The following METTL23 variants were observed in gnomAD, a reference collection of about 807,000 sequenced individuals.
The protein encoded by METTL23 is histone-arginine methyltransferase METTL23.
METTL23 carries 24 observed loss-of-function variants against 21.2 expected under a neutral mutation model. The observed-to-expected ratio is 1.13, with a 90% CI of 0.82 to 1.59. METTL23 has a LOEUF of 1.59. Among genes scored for constraint, METTL23 ranks in the 40% most tolerant of loss-of-function variants. METTL23 has a pLI of 0.00. For missense variants in METTL23, 276 were observed against 221.4 expected, an observed-to-expected ratio of 1.25 and a Z score of -1.57; for synonymous variants, 97 against 75.2, an observed-to-expected ratio of 1.29 and a Z score of -1.50.
chr17:76,728,669 C>T (rs2077070120), intron 1 of METTL23, among the ~76,000 whole-genome samples: 1 of 152,078 alleles, frequency 6.6e-6, no homozygotes, highest in South Asian at 2.1e-4. Context: ...CCTCGGCCTA[C>T]CAAAGTGCTG....
At chr17:76,732,794 C>G (rs2077278442) in intron 2 of METTL23, 184 bp from the exon 3 acceptor site, 5 of 611,496 alleles carry the variant, frequency 8.2e-6, no homozygotes, top group East Asian at 2.8e-5. Flanking sequence ...AGAGTAGATT[C>G]ATAAGGAATG....
chr17:76,732,684 A>G (rs186704375), intron 2 of METTL23: 2 of 420,704 alleles, frequency 4.8e-6, no homozygotes, highest in Non-Finnish European at 8.7e-6. Flanking sequence ...AGAGGAATCA[A>G]GTGCCCCAAA....
chr17:76,726,723 C>T (rs1044872684), upstream of METTL23: 14 of 532,792 alleles, frequency 2.6e-5, no homozygotes, highest in Admixed American at 3.8e-4. Flanking sequence ...CTTTGGCTCC[C>T]CTGGGGTACT....
chr17:76,732,429 C>T (rs970875439), intron 2 of METTL23, among the ~76,000 whole-genome samples: 111 of 151,726 alleles, frequency 7.3e-4, no homozygotes, highest in African/African-American at 2.6e-3. Flanking sequence ...ACCCGGGAGG[C>T]GGGGGTTGCA....
upstream of METTL23, among the ~76,000 whole-genome samples, chr17:76,726,172 G>A (rs569221908): frequency 9.2e-5 from 14 of 152,368 alleles, no homozygotes; most frequent in South Asian, 2.7e-3. Flanking sequence ...AGCACGGGAG[G>A]AAGCAGACCC....
chr17:76,726,223 G>T, upstream of METTL23: 1 of 1,295,470 alleles, frequency 7.7e-7, no homozygotes, highest in Non-Finnish European at 1.0e-6. Context: ...ACTCCGCGGG[G>T]TGCGGGTGAG....
upstream of METTL23, chr17:76,726,526 C>T: frequency 6.4e-7 from 1 of 1,554,446 alleles, no homozygotes. Flanking sequence ...AGCCCGCTTC[C>T]TGACACTAAC....
chr17:76,726,540 C>T, upstream of METTL23: 1 of 1,525,444 alleles, frequency 6.6e-7, no homozygotes, highest in South Asian at 1.2e-5. Context: ...CACTAACGCA[C>T]CCCTCCCCGG....
At chr17:76,730,738 C>G (rs1327401283) in intron 2 of METTL23, among the ~76,000 whole-genome samples, 1 of 152,172 alleles carries the variant, frequency 6.6e-6, no homozygotes, top group Non-Finnish European at 1.5e-5. Context: ...GAGGCCAAGG[C>G]GGGCGGATTG....
Position 76,726,959 on chromosome 17 carries a change from C to A in METTL23, c.-241C>A, listed in dbSNP as rs1156803166. On this transcript the variant is annotated 5_prime_UTR_variant, in exon 1 of 5. Coordinates refer to ENST00000341249, the MANE Select transcript of METTL23 (RefSeq NM_001080510.5). ...ATCACCAGATCTGGGCTTTCCCCTT[C>A]TTGCCGTCAGGTGCTACGGCCACGT... 3 of 456,676 alleles carry A rather than the reference C, an allele frequency of 6.6e-6. No individual in the cohort carries two copies. Among genetic ancestry groups the A allele is most frequent in the Non-Finnish European group, 1.3e-5 (3 of 227,012 alleles). 28.3% of individuals were successfully genotyped at this position (456,676 alleles called of 1,614,324 possible). A position where few individuals can be genotyped will look rare whatever the true frequency, so the allele number is the denominator to read the frequency against.
chr17:76,730,148 C>T (rs1001429336), intron 2 of METTL23, among the ~76,000 whole-genome samples: 5 of 151,194 alleles, frequency 3.3e-5, no homozygotes, highest in African/African-American at 4.9e-5. Context: ...AAAAAGTAGC[C>T]GGGCCTGGTG....
rs371131948 is a variant in METTL23, at chr17:76,732,216, C to T, written c.85-762C>T. On this transcript the variant is annotated intron_variant, in intron 2 of 4. Coordinates refer to ENST00000341249, the MANE Select transcript of METTL23 (RefSeq NM_001080510.5). ...CTACTAAAAAATACAAAATACTAGCCGAGTGGCTGGGCACGGTGGCTCATG... is the reference window on the plus strand; with the variant it reads ...CTACTAAAAAATACAAAATACTAGCTGAGTGGCTGGGCACGGTGGCTCATG... 9.0e-4 allele frequency among the ~76,000 whole-genome samples: 127 copies of T among 141,576 alleles called. No homozygotes were observed. The South Asian group carries it at 0.014, about 15-fold the overall frequency. 92.9% of individuals were successfully genotyped at this position (141,576 alleles called of 152,430 possible).
Position 76,733,384 on chromosome 17 carries a change from A to G in METTL23, c.407+7A>G, listed in dbSNP as rs765744045. On this transcript the variant is annotated splice_region_variant and intron_variant, in intron 4 of 4. Coordinates refer to ENST00000341249, the MANE Select transcript of METTL23 (RefSeq NM_001080510.5). The stretch of plus-strand genomic sequence containing the variant: ...CTACTTATCAAGTTAGGAGGCAAGT[A>G]TGGATGACCCTTACTTTTTATATGT... 6.2e-7 allele frequency: 1 copy of G among 1,613,274 alleles called. No individual in the cohort carries two copies. Among genetic ancestry groups the G allele is most frequent in the South Asian group, 1.1e-5 (1 of 90,962 alleles).
In METTL23 at chr17:76,729,614, G is replaced by A. The variant is rs556972883; in HGVS notation, c.-21-76G>A. On this transcript the variant is annotated intron_variant, in intron 1 of 4. Coordinates refer to ENST00000341249, the MANE Select transcript of METTL23 (RefSeq NM_001080510.5). ...ATTTTTGTAATGGATGCCAATGCCT[G>A]ACAGAAATTGCTGTATGAATGATTC... is the stretch of plus-strand genomic sequence containing the variant. 1.1e-4 allele frequency: 114 copies of A among 1,012,342 alleles called. No individual in the cohort carries two copies. In the African/African-American group the frequency reaches 1.6e-3, roughly 14 times the overall value. 62.7% of individuals were successfully genotyped at this position (1,012,342 alleles called of 1,614,324 possible).
intron 4 of METTL23, 48 bp downstream of exon 4, chr17:76,733,425 C>G: frequency 6.3e-7 from 1 of 1,599,944 alleles, no homozygotes; most frequent in Non-Finnish European, 8.5e-7. Flanking sequence ...AAGCCTTACT[C>G]TACCCTACCC....
intron 1 of METTL23, among the ~76,000 whole-genome samples, chr17:76,728,895 G>A (rs2077080414): frequency 2.1e-5 from 3 of 146,060 alleles, no homozygotes; most frequent in East Asian, 2.0e-4. Flanking sequence ...CCGGGTTCAC[G>A]CCATTTTCCT....
rs187812206 is a variant in METTL23, at chr17:76,733,846, A to C, written c.*160A>C. 2.9e-4 allele frequency: 152 copies of C among 517,696 alleles called. No homozygotes were observed. The highest frequency in any genetic ancestry group is 2.4e-3 in the African/African-American group (125 of 51,380). The allele number at this position is 517,696 out of a possible 1,614,324, so 32.1% of individuals were successfully genotyped here. On this transcript the variant is annotated 3_prime_UTR_variant, in exon 5 of 5. Coordinates refer to ENST00000341249, the MANE Select transcript of METTL23 (RefSeq NM_001080510.5). ...TGTCACCTAGACAACACTTAAACTCATATGAAACAAAAATTAAAATACGTA... is the reference window on the plus strand; with the variant it reads ...TGTCACCTAGACAACACTTAAACTCCTATGAAACAAAAATTAAAATACGTA...
chr17:76,729,368 A>G (rs2077101096), intron 1 of METTL23, among the ~76,000 whole-genome samples: 1 of 152,174 alleles, frequency 6.6e-6, no homozygotes, highest in African/African-American at 2.4e-5. Context: ...GGCCTGAGTC[A>G]CCGTGCCCGG....
intron 2 of METTL23, among the ~76,000 whole-genome samples, chr17:76,731,670 T>G (rs1230615233): frequency 6.6e-6 from 1 of 152,200 alleles, no homozygotes; most frequent in East Asian, 1.9e-4. Flanking sequence ...AAAAACCAAT[T>G]TTATCACATT....
Sources: allele counts gnomAD v4.1 joint callset (sites outside exome capture counted in the v4.1 genomes callset), GRCh38; gene constraint gnomAD v4.1.1; transcripts MANE v1.5; gene names NCBI Gene and HGNC (gene_info 2026-07-23, HGNC 2026-07-21).